APCDD1: variants seen among roughly 807,000 people sequenced by gnomAD.
APCDD1 encodes the protein APC down-regulated 1.
A neutral mutation model predicts 38.1 loss-of-function variants in APCDD1; 15 were observed. That is an observed-to-expected ratio of 0.39 (90% CI 0.26 to 0.61). The LOEUF (loss-of-function observed/expected upper bound fraction) is 0.61, where lower values mean the gene tolerates loss of function less well. APCDD1 is among the 20% of genes least tolerant of loss of function. APCDD1 has a pLI of 0.49. For synonymous variants in APCDD1, 261 were observed against 279.7 expected, an observed-to-expected ratio of 0.93 and a Z score of 0.67; for missense variants, 647 against 696.2, an observed-to-expected ratio of 0.93 and a Z score of 0.79.
At chr18:10,481,490 T>G (rs2031135879) in intron 3 of APCDD1, among the ~76,000 whole-genome samples, 1 of 151,828 alleles carries the variant, frequency 6.6e-6, no homozygotes. Context: ...AATAGTCAAA[T>G]CCACAGAGAC....
chr18:10,472,095 AG>A lies in APCDD1; in HGVS notation c.774+35del, dbSNP rs748750060. 1 of 1,611,896 alleles carries A rather than the reference AG, an allele frequency of 6.2e-7. No homozygotes were observed. Among genetic ancestry groups the A allele is most frequent in the Non-Finnish European group, 8.5e-7 (1 of 1,179,860 alleles). ...GAGCTCTGTGTTCTCCTCTTTATTG[AG>A]TAAAGTGGGTGATCCTTCTTAAAGG... On this transcript the variant is annotated intron_variant, in intron 3 of 4. Coordinates refer to ENST00000355285, the MANE Select transcript of APCDD1 (RefSeq NM_153000.5). This position sits in a 1 kb window ranked among gnomAD's most constrained non-coding sequence, Gnocchi z 6.6.
At chr18:10,461,160 AGTGCACACACGCAG>A (rs2030531516) in intron 1 of APCDD1, among the ~76,000 whole-genome samples, 1 of 151,902 alleles carries the variant, frequency 6.6e-6, no homozygotes, top group African/African-American at 2.4e-5. Context: ...GTAAATCACT[AGTGCACACACGCAG>A]GTGCACACAC....
In APCDD1 at chr18:10,484,175, G is replaced by A. The variant is rs576977704; in HGVS notation, c.775-1287G>A. On this transcript the variant is annotated intron_variant, in intron 3 of 4. Transcript: ENST00000355285. ...GTCTTGCTTAAAGCTGAGAAAGCAG[G>A]AAGCAGATGAGGAACGCAGAAACCT... 1.3e-3 allele frequency among the ~76,000 whole-genome samples: 197 copies of A among 152,350 alleles called. 1 individual carries two copies. Among genetic ancestry groups the A allele is most frequent in the Non-Finnish European group, 2.5e-3 (170 of 68,026 alleles).
intron 3 of APCDD1, among the ~76,000 whole-genome samples, chr18:10,479,663 G>T (rs983272692): frequency 2.0e-5 from 3 of 152,116 alleles, no homozygotes; most frequent in Non-Finnish European, 4.4e-5. Flanking sequence ...CTCCACTTTG[G>T]GTTTGTAAAG....
intron 3 of APCDD1, among the ~76,000 whole-genome samples, chr18:10,479,552 G>A (rs1265535322): frequency 6.6e-6 from 1 of 152,204 alleles, no homozygotes; most frequent in East Asian, 1.9e-4. Context: ...CTTTTCCTGG[G>A]CTGGAGTCCT....
In APCDD1 at chr18:10,464,130, G is replaced by A. The variant is rs571399745; in HGVS notation, c.59-4339G>A. ...ATTTCTTCCATCACTGGTTAAAAACGTAACTGTAGGCCTCCTTTCCCGTGT... is the reference window on the plus strand; with the variant it reads ...ATTTCTTCCATCACTGGTTAAAAACATAACTGTAGGCCTCCTTTCCCGTGT... On this transcript the variant is annotated intron_variant, in intron 1 of 4. Coordinates refer to ENST00000355285, the MANE Select transcript of APCDD1 (RefSeq NM_153000.5). 6.6e-5 allele frequency among the ~76,000 whole-genome samples: 10 copies of A among 152,144 alleles called. No homozygotes were observed. In the East Asian group the frequency reaches 1.2e-3, roughly 18 times the overall value.
intron 1 of APCDD1, among the ~76,000 whole-genome samples, chr18:10,460,355 G>A (rs534564562): frequency 2.4e-4 from 36 of 152,150 alleles, no homozygotes; most frequent in African/African-American, 6.5e-4. Context: ...GCGAAACCCC[G>A]TCTCTACTAA....
rs1163358778 is a variant in APCDD1, at chr18:10,457,537, C to G, written c.58+2498C>G. 2.0e-5 allele frequency among the ~76,000 whole-genome samples: 3 copies of G among 152,048 alleles called. 1 individual carries two copies. Among genetic ancestry groups the G allele is most frequent in the South Asian group, 4.2e-4 (2 of 4,814 alleles). ...TAAATAGGCATTTTATTTTGCTAAC[C>G]ATAGGATACCATTTGTCTATTTATG... On this transcript the variant is annotated intron_variant, in intron 1 of 4. Transcript: ENST00000355285.
intron 3 of APCDD1, among the ~76,000 whole-genome samples, chr18:10,483,253 C>A (rs1199431293): frequency 1.3e-5 from 2 of 152,230 alleles, no homozygotes; most frequent in Non-Finnish European, 2.9e-5. Flanking sequence ...ATCTCCATTT[C>A]TCCTGTAACT....
Position 10,475,163 on chromosome 18 carries a change from G to A in APCDD1, c.774+3102G>A, listed in dbSNP as rs2030961255. Among the ~76,000 whole-genome samples, 2 of 152,216 alleles carry A rather than the reference G, an allele frequency of 1.3e-5. No individual in the cohort carries two copies. The highest frequency in any genetic ancestry group is 2.1e-4 in the South Asian group (1 of 4,830). On this transcript the variant is annotated intron_variant, in intron 3 of 4. Transcript: ENST00000355285. The surrounding 1 kb of genome is among the most constrained non-coding windows in gnomAD (Gnocchi z 4.0). ...GAGTAAGTCGCCCTTCTGGGCCAAT[G>A]GCTCAGAGAGGAATGAAAATGACAA...
chr18:10,485,348 G>C lies in APCDD1; in HGVS notation c.775-114G>C. 1 of 1,161,334 alleles carries C rather than the reference G, an allele frequency of 8.6e-7. No homozygotes were observed. The highest frequency in any genetic ancestry group is 1.7e-5 in the Admixed American group (1 of 58,710). The allele number at this position is 1,161,334 out of a possible 1,614,324, so 71.9% of individuals were successfully genotyped here. On this transcript the variant is annotated intron_variant, in intron 3 of 4. Coordinates refer to ENST00000355285, the MANE Select transcript of APCDD1 (RefSeq NM_153000.5). The surrounding 1 kb of genome is among the most constrained non-coding windows in gnomAD (Gnocchi z 5.8). ...GATTCCAGTTGGTTCTTGGTGTCGA[G>C]GTTGTCAGTGATGGTGATCTGGTGC... is the stretch of plus-strand genomic sequence containing the variant.
chr18:10,479,897 T>C (rs1403720852), intron 3 of APCDD1, among the ~76,000 whole-genome samples: 1 of 152,246 alleles, frequency 6.6e-6, no homozygotes. Flanking sequence ...ACATTGCTCA[T>C]TTATAAAGTA....
At chr18:10,464,087 T>C (rs1244241341) in intron 1 of APCDD1, among the ~76,000 whole-genome samples, 1 of 152,238 alleles carries the variant, frequency 6.6e-6, no homozygotes, top group Non-Finnish European at 1.5e-5. Context: ...ATTTGCATAT[T>C]GGAGGTTCTT....
At position 10,476,626 on chromosome 18, in the gene APCDD1, C is replaced by T. The variant is rs933193344; in HGVS notation, c.774+4565C>T. 1 of 152,204 alleles carries T rather than the reference C, an allele frequency of 6.6e-6. No individual in the cohort carries two copies. The highest frequency in any genetic ancestry group is 2.4e-5 in the African/African-American group (1 of 41,442). 9.4% of individuals were successfully genotyped at this position (152,204 alleles called of 1,614,324 possible). A position where few individuals can be genotyped will look rare whatever the true frequency, so the allele number is the denominator to read the frequency against. On this transcript the variant is annotated intron_variant, in intron 3 of 4. Coordinates refer to ENST00000355285, the MANE Select transcript of APCDD1 (RefSeq NM_153000.5). This position sits in a 1 kb window ranked among gnomAD's most constrained non-coding sequence, Gnocchi z 5.8. ...GATGCCAGAGCCTCAGGATCAGACT[C>T]GTAAGCAAATGGAATTGGTCTTTCT...
At chr18:10,455,173 G>A (rs2030344557) in intron 1 of APCDD1, 134 bp downstream of exon 1, 1 of 1,386,076 alleles carries the variant, frequency 7.2e-7, no homozygotes, top group South Asian at 1.5e-5. Context: ...TCCGAGGGGA[G>A]CCCCGCGCCT....
intron 2 of APCDD1, among the ~76,000 whole-genome samples, chr18:10,468,946 G>T (rs1004040327): frequency 2.0e-5 from 3 of 152,204 alleles, no homozygotes; most frequent in Admixed American, 6.5e-5. Context: ...TGTATAAAAA[G>T]AAACCATTAG....
rs1304946203 is a variant in APCDD1, at chr18:10,471,764, G to A, written c.477G>A (p.Val159=). The A allele has an allele frequency of 6.2e-7, 1 of 1,613,284 alleles. No homozygotes were observed. The highest frequency in any genetic ancestry group is 8.5e-7 in the Non-Finnish European group (1 of 1,179,552). Residue 159 remains valine (V), a synonymous_variant, in exon 3 of 5, where the codon GTG becomes GTA. Transcript: ENST00000355285. The surrounding 1 kb of genome is among the most constrained non-coding windows in gnomAD (Gnocchi z 5.5). ...NVQVICHTEA[V]AEKLGQQVNR... ...AGGTGATCTGCCACACAGAGGCGGT[G>A]GCCGAGAAGCTCGGCCAGCAGGTGA...
Position 10,467,487 on chromosome 18 carries a change from C to T in APCDD1, c.59-982C>T, listed in dbSNP as rs770936303. ...TTCAGGAGTGAATATCAGAGGAGAC[C>T]GTGGCTTTCAGATAATAATTCCACC... On this transcript the variant is annotated intron_variant, in intron 1 of 4. Transcript: ENST00000355285. This position sits in a 1 kb window ranked among gnomAD's most constrained non-coding sequence, Gnocchi z 4.8. 3.3e-5 allele frequency among the ~76,000 whole-genome samples: 5 copies of T among 152,220 alleles called. No homozygotes were observed. Among genetic ancestry groups the T allele is most frequent in the Non-Finnish European group, 4.4e-5 (3 of 68,010 alleles).
At chr18:10,482,673 G>A (rs925197802) in intron 3 of APCDD1, among the ~76,000 whole-genome samples, 1 of 152,206 alleles carries the variant, frequency 6.6e-6, no homozygotes, top group East Asian at 1.9e-4. Context: ...TTCCCAGCCA[G>A]TGTCAGAGGG....
Sources: gnomAD v4.1 joint callset for allele counts (sites outside exome capture counted in the v4.1 genomes callset) on GRCh38, gnomAD v4.1.1 for gene constraint, Gnocchi (gnomAD v3.1) non-coding constraint, MANE v1.5 for transcripts, NCBI Gene and HGNC (gene_info 2026-07-23, HGNC 2026-07-21) for gene names.